The following MDGA2 variants were observed in gnomAD, a reference collection of about 807,000 sequenced individuals.
MDGA2 encodes the protein MAM domain-containing glycosylphosphatidylinositol anchor protein 2.
Under a neutral mutation model 117.8 loss-of-function variants are expected in MDGA2, and 40 were observed. The ratio of observed to expected loss-of-function variants is 0.34; its 90% CI spans 0.26 to 0.44. The LOEUF is 0.44. Among genes scored for constraint, MDGA2 ranks in the 20% least tolerant of loss-of-function variants. The pLI, the probability that MDGA2 is intolerant of heterozygous loss-of-function variation, is 1.00. For missense variants in MDGA2, 1,123 were observed against 1,250.6 expected, an observed-to-expected ratio of 0.90 and a Z score of 1.54; for synonymous variants, 452 against 439.0, an observed-to-expected ratio of 1.03 and a Z score of -0.37.
chr14:47,453,771 G>A (rs761430443), intron 1 of MDGA2, among the ~76,000 whole-genome samples: 5 of 152,136 alleles, frequency 3.3e-5, no homozygotes, highest in Non-Finnish European at 7.4e-5. Context: ...GTTAAGCTCT[G>A]AATAATTGAC....
chr14:47,435,041 C>A (rs1160359658), intron 1 of MDGA2, among the ~76,000 whole-genome samples: 1 of 152,048 alleles, frequency 6.6e-6, no homozygotes, highest in Non-Finnish European at 1.5e-5. Context: ...GAGGCTGAGG[C>A]AGGAGAATTG....
At chr14:47,523,005 T>C (rs1283525783) in intron 1 of MDGA2, among the ~76,000 whole-genome samples, 2 of 152,146 alleles carry the variant, frequency 1.3e-5, no homozygotes, top group Non-Finnish European at 2.9e-5. Flanking sequence ...ATTTCCAAGC[T>C]CCAGATCAAC....
intron 1 of MDGA2, among the ~76,000 whole-genome samples, chr14:47,449,639 A>C (rs1334560538): frequency 6.6e-6 from 1 of 152,146 alleles, no homozygotes; most frequent in Non-Finnish European, 1.5e-5. Context: ...CTAGTATCTC[A>C]TTTTGTAACT....
At chr14:47,553,942 G>A (rs576568855) in intron 1 of MDGA2, among the ~76,000 whole-genome samples, 1 of 152,138 alleles carries the variant, frequency 6.6e-6, no homozygotes, top group Non-Finnish European at 1.5e-5. Flanking sequence ...TTTCAGGTGG[G>A]AAAACAGCAG....
chr14:47,378,934 A>C (rs1891543898), intron 1 of MDGA2, among the ~76,000 whole-genome samples: 1 of 152,216 alleles, frequency 6.6e-6, no homozygotes, highest in Admixed American at 6.5e-5. Context: ...CCAAAGTTGA[A>C]ATGAAGGAAA....
intron 3 of MDGA2, among the ~76,000 whole-genome samples, chr14:47,201,993 T>C (rs993260455): frequency 6.6e-6 from 1 of 152,210 alleles, no homozygotes; most frequent in African/African-American, 2.4e-5. Flanking sequence ...GTAGTATTAA[T>C]AGTGATATAA....
intron 14 of MDGA2, among the ~76,000 whole-genome samples, chr14:46,862,396 TTTTAATATTA>T (rs1881546382): frequency 1.3e-5 from 2 of 149,022 alleles, no homozygotes; most frequent in South Asian, 4.2e-4. Flanking sequence ...CTGATTATTA[TTTTAATATTA>T]TTTAATATAT....
intron 1 of MDGA2, among the ~76,000 whole-genome samples, chr14:47,531,618 T>A (rs553828009): frequency 6.6e-6 from 1 of 151,508 alleles, no homozygotes; most frequent in Admixed American, 6.5e-5. Flanking sequence ...TCTAGGAGCA[T>A]AGCATGTTCA....
At chr14:46,891,627 T>C (rs1882887480) in intron 10 of MDGA2, among the ~76,000 whole-genome samples, 1 of 151,526 alleles carries the variant, frequency 6.6e-6, no homozygotes. Context: ...TTTGGTAGAG[T>C]TTAAAACATT....
chr14:47,309,991 T>A (rs577040396), intron 1 of MDGA2, among the ~76,000 whole-genome samples: 1 of 152,282 alleles, frequency 6.6e-6, no homozygotes, highest in African/African-American at 2.4e-5. Context: ...TGACAAGTAT[T>A]AACTTTATAA....
intron 2 of MDGA2, among the ~76,000 whole-genome samples, chr14:47,247,993 T>A (rs1428131237): frequency 6.6e-6 from 1 of 151,568 alleles, no homozygotes. Context: ...TTTTTATGGA[T>A]GCATAGTATT....
At chr14:47,047,410 G>A (rs1413554783) in intron 7 of MDGA2, among the ~76,000 whole-genome samples, 3 of 152,110 alleles carry the variant, frequency 2.0e-5, no homozygotes, top group Admixed American at 1.3e-4. Flanking sequence ...TCATGAAAGT[G>A]TCCTCTAAAC....
chr14:47,113,187 C>T (rs1372446770), intron 5 of MDGA2, among the ~76,000 whole-genome samples: 1 of 152,052 alleles, frequency 6.6e-6, no homozygotes, highest in Admixed American at 6.6e-5. Flanking sequence ...CTATAAACAC[C>T]TCCATTCAAA....
chr14:47,357,029 T>G (rs1483451672), intron 1 of MDGA2, among the ~76,000 whole-genome samples: 2 of 152,230 alleles, frequency 1.3e-5, no homozygotes, highest in Non-Finnish European at 2.9e-5. Context: ...CGGAGATTTG[T>G]GGAGAATCCT....
intron 1 of MDGA2, among the ~76,000 whole-genome samples, chr14:47,407,240 A>G (rs1274477483): frequency 6.6e-6 from 1 of 152,150 alleles, no homozygotes; most frequent in Admixed American, 6.5e-5. Flanking sequence ...ACTTTCCAAA[A>G]TGCAGCAGTT....
intron 9 of MDGA2, among the ~76,000 whole-genome samples, chr14:46,955,864 G>T (rs941998190): frequency 6.6e-6 from 1 of 151,994 alleles, no homozygotes; most frequent in African/African-American, 2.4e-5. Flanking sequence ...GCATTATCTT[G>T]AAAGATTTGC....
intron 1 of MDGA2, among the ~76,000 whole-genome samples, chr14:47,316,240 C>T (rs1889806001): frequency 6.6e-6 from 1 of 152,028 alleles, no homozygotes; most frequent in Non-Finnish European, 1.5e-5. Context: ...AGTCTGAAAT[C>T]TCCATGTATG....
At chr14:47,167,322 C>T (rs1883925475) in intron 3 of MDGA2, among the ~76,000 whole-genome samples, 2 of 152,154 alleles carry the variant, frequency 1.3e-5, no homozygotes, top group South Asian at 2.1e-4. Flanking sequence ...CTTTGCTCTT[C>T]TCATAAAACT....
At chr14:47,320,894 C>T (rs527900961) in intron 1 of MDGA2, among the ~76,000 whole-genome samples, 1 of 152,146 alleles carries the variant, frequency 6.6e-6, no homozygotes, top group East Asian at 1.9e-4. Flanking sequence ...TCAATCTCTG[C>T]CATTTACCCA....
Sources: allele counts gnomAD v4.1 joint callset (sites outside exome capture counted in the v4.1 genomes callset), GRCh38; gene constraint gnomAD v4.1.1; transcripts MANE v1.5; gene names NCBI Gene and HGNC (gene_info 2026-07-23, HGNC 2026-07-21).